Variants in GRIK2 observed in about 807,000 individuals in gnomAD.
GRIK2 encodes glutamate ionotropic receptor kainate type subunit 2, also known as glutamate receptor ionotropic, kainate 2.
GRIK2 carries 32 observed loss-of-function variants against 100.3 expected under a neutral mutation model. The ratio of observed to expected loss-of-function variants is 0.32; its 90% confidence interval spans 0.24 to 0.43. The LOEUF (loss-of-function observed/expected upper bound fraction) is 0.43. GRIK2 is among the 20% of genes least tolerant of loss of function. The probability of loss-of-function intolerance (pLI) is 1.00; values close to 1 mark genes in which losing one functional copy is unlikely to be tolerated. For missense variants in GRIK2, 843 were observed against 1,114.9 expected, an observed-to-expected ratio of 0.76 and a Z score of 3.47; for synonymous variants, 417 against 389.4, an observed-to-expected ratio of 1.07 and a Z score of -0.83.
chr6:101,501,157 C>T (rs1773728747), intron 2 of GRIK2, among the ~76,000 whole-genome samples: 1 of 152,054 alleles, frequency 6.6e-6, no homozygotes. Context: ...CTGAGGAAAC[C>T]TGTCAGCTAC....
chr6:101,663,816 A>G (rs1769813696), intron 4 of GRIK2, among the ~76,000 whole-genome samples: 1 of 152,158 alleles, frequency 6.6e-6, no homozygotes, highest in Non-Finnish European at 1.5e-5. Flanking sequence ...TTCGCAGTCC[A>G]TGTAGTTCAG....
chr6:101,854,362 A>G (rs1214079739), intron 10 of GRIK2, among the ~76,000 whole-genome samples: 1 of 152,046 alleles, frequency 6.6e-6, no homozygotes, highest in Non-Finnish European at 1.5e-5. Flanking sequence ...CAGGTTCAAG[A>G]GCTTCTTCTG....
rs1297363091 is a variant in GRIK2 at position 101,469,772 on chromosome 6, C to T, written c.115+70380C>T. Among the ~76,000 whole-genome samples the T allele has an allele frequency of 2.0e-5, 3 of 152,128 alleles. No individual in the cohort carries two copies. The East Asian group carries it at 5.8e-4, about 29-fold the overall frequency. ...ATCTCACTTCTATTTTATCCTGTGCCATCCCTGAATTGCAGGCCTGAGGGA... is the reference window on the plus strand; with the variant it reads ...ATCTCACTTCTATTTTATCCTGTGCTATCCCTGAATTGCAGGCCTGAGGGA... On this transcript the variant is annotated intron_variant, in intron 2 of 16. Coordinates refer to ENST00000369134, the MANE Select transcript of GRIK2 (RefSeq NM_021956.5).
intron 2 of GRIK2, among the ~76,000 whole-genome samples, chr6:101,412,899 A>G (rs1391821274): frequency 4.6e-5 from 7 of 152,036 alleles, no homozygotes; most frequent in Non-Finnish European, 8.8e-5. Context: ...ACACAGAATA[A>G]TAATTCATTT....
At chr6:101,807,256 A>T (rs1781062298) in intron 9 of GRIK2, among the ~76,000 whole-genome samples, 1 of 151,916 alleles carries the variant, frequency 6.6e-6, no homozygotes, top group African/African-American at 2.4e-5. Context: ...AGGATTTTAG[A>T]TTGCAGAAGG....
intron 2 of GRIK2, among the ~76,000 whole-genome samples, chr6:101,563,036 T>C (rs190941379): frequency 1.9e-3 from 285 of 152,332 alleles, no homozygotes; most frequent in African/African-American, 6.6e-3. Context: ...ATATGTTTGA[T>C]AGGGCAGCTG....
chr6:101,601,887 G>A (rs1034688113), intron 2 of GRIK2, among the ~76,000 whole-genome samples: 6 of 151,464 alleles, frequency 4.0e-5, no homozygotes, highest in African/African-American at 1.5e-4. Flanking sequence ...CCAAATTTTA[G>A]TTTTATTGAT....
At chr6:101,726,875 A>G (rs1774906622) in intron 7 of GRIK2, among the ~76,000 whole-genome samples, 1 of 152,042 alleles carries the variant, frequency 6.6e-6, no homozygotes, top group Non-Finnish European at 1.5e-5. Context: ...ACAACATAGG[A>G]ATCAAGTCAT....
At chr6:101,702,417 C>T (rs1055810604) in intron 7 of GRIK2, among the ~76,000 whole-genome samples, 2 of 151,820 alleles carry the variant, frequency 1.3e-5, no homozygotes, top group East Asian at 1.9e-4. Flanking sequence ...GTATATATGC[C>T]TTAACTGTTT....
rs561554043 is a variant in GRIK2, at chr6:101,780,022, C to T, written c.952-19626C>T. Reference sequence around the variant, plus strand: ...AATGACCACAGATTTATCTAACTATCTCATATGGATTTTAATAACCAAATT... The same window carrying T: ...AATGACCACAGATTTATCTAACTATTTCATATGGATTTTAATAACCAAATT... On this transcript the variant is annotated intron_variant, in intron 7 of 16. Coordinates refer to ENST00000369134, the MANE Select transcript of GRIK2 (RefSeq NM_021956.5). Among the ~76,000 whole-genome samples, 5 of 152,194 alleles carry T rather than the reference C, an allele frequency of 3.3e-5. No homozygotes were observed. In the South Asian group the frequency reaches 1.0e-3, roughly 32 times the overall value.
intron 14 of GRIK2, among the ~76,000 whole-genome samples, chr6:101,963,409 T>A (rs1792437775): frequency 6.9e-6 from 1 of 145,810 alleles, no homozygotes; most frequent in Non-Finnish European, 1.5e-5. Flanking sequence ...GCCATTCTCC[T>A]GCCTCAGTCT....
intron 14 of GRIK2, among the ~76,000 whole-genome samples, chr6:101,949,590 T>C (rs750305170): frequency 1.5e-4 from 23 of 152,150 alleles, no homozygotes; most frequent in Non-Finnish European, 2.9e-4. Flanking sequence ...CTCCCACTTA[T>C]AAGTGAGAAT....
At chr6:101,908,521 G>C (rs1582509308) in intron 12 of GRIK2, among the ~76,000 whole-genome samples, 1 of 150,870 alleles carries the variant, frequency 6.6e-6, no homozygotes, top group Admixed American at 6.7e-5. Context: ...TACCTATAAT[G>C]CTATATTTAT....
intron 4 of GRIK2, among the ~76,000 whole-genome samples, chr6:101,639,217 T>C (rs1344622906): frequency 2.0e-5 from 3 of 152,084 alleles, no homozygotes; most frequent in East Asian, 1.9e-4. Context: ...TAGTATTTTT[T>C]AGTAGAGATG....
intron 2 of GRIK2, among the ~76,000 whole-genome samples, chr6:101,479,237 G>A (rs1415898717): frequency 2.0e-5 from 3 of 152,096 alleles, no homozygotes; most frequent in Non-Finnish European, 4.4e-5. Context: ...CTTTTTAGCA[G>A]TCTGTACCAT....
At chr6:101,678,606 G>C (rs1771011381) in intron 5 of GRIK2, among the ~76,000 whole-genome samples, 1 of 152,090 alleles carries the variant, frequency 6.6e-6, no homozygotes. Flanking sequence ...AAAGTGAATA[G>C]CTTCTAGGAA....
At chr6:101,773,478 C>CA (rs10635667) in intron 7 of GRIK2, among the ~76,000 whole-genome samples, 1,508 of 88,606 alleles carry the variant, frequency 0.017, 30 homozygotes, top group African/African-American at 0.037. Flanking sequence ...GACTTTGTCT[C>CA]AAAAAAAAAA....
chr6:101,549,863 C>G (rs1002450726), intron 2 of GRIK2, among the ~76,000 whole-genome samples: 5 of 152,118 alleles, frequency 3.3e-5, no homozygotes, highest in African/African-American at 1.2e-4. Flanking sequence ...TAATTATCCC[C>G]ATTTTGCCAA....
chr6:101,797,912 C>T (rs1408140677), intron 7 of GRIK2, among the ~76,000 whole-genome samples: 1 of 149,872 alleles, frequency 6.7e-6, no homozygotes, highest in Admixed American at 6.7e-5. Context: ...AACACAACAC[C>T]ATTTAAGATG....
Sources: allele counts gnomAD v4.1 joint callset (sites outside exome capture counted in the v4.1 genomes callset), GRCh38; gene constraint gnomAD v4.1.1; transcripts MANE v1.5; gene names NCBI Gene and HGNC (gene_info 2026-07-23, HGNC 2026-07-21).